The following UBALD1 variants were observed in gnomAD, a reference collection of about 807,000 sequenced individuals.
UBALD1 encodes UBA like domain containing 1.
Under a neutral mutation model 16.1 loss-of-function variants are expected in UBALD1, and 5 were observed. That is an observed-to-expected ratio of 0.31 (90% CI 0.16 to 0.66). The LOEUF is 0.66. Among genes scored for constraint, UBALD1 ranks in the 30% least tolerant of loss-of-function variants. The pLI, the probability that UBALD1 is intolerant of heterozygous loss-of-function variation, is 0.77. For synonymous variants in UBALD1, 146 were observed against 105.3 expected, an observed-to-expected ratio of 1.39 and a Z score of -2.37; for missense variants, 220 against 252.8, an observed-to-expected ratio of 0.87 and a Z score of 0.88.
At chr16:4,614,411 T>TA (rs768309714) in intron 1 of UBALD1, 21 of 378,318 alleles carry the variant, frequency 5.6e-5, no homozygotes, top group Admixed American at 2.9e-4. Context: ...ACAAAAGGGG[T>TA]GGGGGGGGTC....
intron 2 of UBALD1, 27 bp from the exon 3 acceptor site, chr16:4,610,010 G>A (rs1897338567): frequency 1.3e-6 from 2 of 1,522,172 alleles, no homozygotes; most frequent in Non-Finnish European, 1.8e-6. Flanking sequence ...GGAGAGATGG[G>A]GTGAGCACCC....
At chr16:4,610,780 C>G in intron 1 of UBALD1, 1 of 538,198 alleles carries the variant, frequency 1.9e-6, no homozygotes, top group Non-Finnish European at 3.3e-6. Context: ...TGGAGAAGAC[C>G]CTTCCCCTGC....
intron 1 of UBALD1, among the ~76,000 whole-genome samples, chr16:4,611,917 C>T (rs1246799585): frequency 2.0e-5 from 3 of 152,122 alleles, no homozygotes; most frequent in Non-Finnish European, 4.4e-5. Context: ...TTCAAGCCGC[C>T]GAGGTGCCCC....
intron 1 of UBALD1, 178 bp downstream of exon 1, chr16:4,614,500 C>T: frequency 1.8e-6 from 2 of 1,118,470 alleles, no homozygotes; most frequent in Admixed American, 3.1e-5. Flanking sequence ...CACCTCCGCC[C>T]GCCGCGAGCC....
intron 1 of UBALD1, 98 bp from the exon 2 acceptor site, chr16:4,610,653 T>C: frequency 1.4e-6 from 2 of 1,397,026 alleles, no homozygotes; most frequent in Non-Finnish European, 2.0e-6. Flanking sequence ...TGACCCTGGC[T>C]GGACTGCTGA....
At chr16:4,613,382 A>C (rs187192810) in intron 1 of UBALD1, among the ~76,000 whole-genome samples, 1 of 152,176 alleles carries the variant, frequency 6.6e-6, no homozygotes, top group Non-Finnish European at 1.5e-5. Flanking sequence ...ACACAGGATC[A>C]GTGGCCTCCG....
Position 4,614,869 on chromosome 16 carries a change from G to A in UBALD1, c.-72C>T, listed in dbSNP as rs1157306505. 4 of 1,372,376 alleles carry A rather than the reference G, an allele frequency of 2.9e-6. No homozygotes were observed. The highest frequency in any genetic ancestry group is 3.8e-6 in the Non-Finnish European group (4 of 1,050,316). The allele number at this position is 1,372,376 out of a possible 1,614,324, so 85.0% of individuals were successfully genotyped here. On this transcript the variant is annotated 5_prime_UTR_variant, in exon 1 of 3. Transcript: ENST00000283474. ...TCCGCCTCACGCGTCCACCATTAGC[G>A]AGCCGGCTCCGGCTAATACAAATAT... is the stretch of plus-strand genomic sequence containing the variant.
Position 4,609,722 on chromosome 16 carries a change from G to A in UBALD1, c.445C>T (p.Pro149Ser), listed in dbSNP as rs772851857. ...GGTGGCCAGTCTGAAGCCGGAGAAG[G>A]GGGTGTTGGAGTCCACAGGGGCGGC... is the stretch of plus-strand genomic sequence containing the variant. ...PQPPLWTPTPPSPASDWPPLA... is the reference protein window; with the variant it reads ...PQPPLWTPTPSSPASDWPPLA... The change falls in exon 3 of 3, where the codon CCT (proline) becomes TCT (serine). Residue 149 changes from proline to serine, a missense_variant. Physicochemically the swap from Pro to Ser is moderately conservative, Grantham distance 74 (BLOSUM62 -1). Coordinates refer to ENST00000283474, the MANE Select transcript of UBALD1 (RefSeq NM_145253.3). 5 of 1,486,352 alleles carry A rather than the reference G, an allele frequency of 3.4e-6. No individual in the cohort carries two copies. Among genetic ancestry groups the A allele is most frequent in the Middle Eastern group, 2.0e-4 (1 of 4,946 alleles). 92.1% of individuals were successfully genotyped at this position (1,486,352 alleles called of 1,614,324 possible).
chr16:4,610,099 C>G, intron 2 of UBALD1, 116 bp from the exon 3 acceptor site: 1 of 874,448 alleles, frequency 1.1e-6, no homozygotes, highest in Non-Finnish European at 1.9e-6. Flanking sequence ...TGTTCCTTCC[C>G]CAGATCCCCA....
intron 1 of UBALD1, among the ~76,000 whole-genome samples, chr16:4,611,958 T>A (rs1897363560): frequency 6.6e-6 from 1 of 152,032 alleles, no homozygotes; most frequent in Non-Finnish European, 1.5e-5. Flanking sequence ...ACTCCCCTAA[T>A]GCCAGCTTGA....
At position 4,609,863 on chromosome 16, in the gene UBALD1, C is replaced by T. The variant is rs1232103658; in HGVS notation, c.304G>A (p.Ala102Thr). ...HSGGSGSPMA[A>T]TATSPPPHFP... is the part of the protein sequence containing the mutation. ...TGTGGCGGGGGTGACGTGGCTGTCG[C>T]GGCCATCGGGCTGCCGCTGCCACCG... The change falls in exon 3 of 3, where the codon GCG becomes ACG. Residue 102 changes from alanine to threonine, a missense_variant. Physicochemically the swap from Ala to Thr is moderately conservative, Grantham distance 58 (BLOSUM62 0). Around this residue, in one of 2 missense-constraint regions of UBALD1, gnomAD observed 151 missense variants for 132.6 expected, o/e 1.14. Coordinates refer to ENST00000283474, the MANE Select transcript of UBALD1 (RefSeq NM_145253.3). 1.6e-5 allele frequency: 24 copies of T among 1,522,812 alleles called. No individual in the cohort carries two copies. The highest frequency in any genetic ancestry group is 1.9e-5 in the Non-Finnish European group (21 of 1,134,660). 94.3% of individuals were successfully genotyped at this position (1,522,812 alleles called of 1,614,324 possible).
chr16:4,613,640 C>A (rs529097434), intron 1 of UBALD1, among the ~76,000 whole-genome samples: 2 of 152,258 alleles, frequency 1.3e-5, no homozygotes, highest in South Asian at 4.1e-4. Context: ...GAGGCCATGA[C>A]CCTACCCCTG....
intron 1 of UBALD1, chr16:4,611,101 C>T (rs749627555): frequency 5.6e-6 from 1 of 178,180 alleles, no homozygotes; most frequent in Non-Finnish European, 1.2e-5. Flanking sequence ...CCCAGCTCTG[C>T]TTCTGGCTGA....
At chr16:4,610,121 C>T (rs958025448) in intron 2 of UBALD1, 138 bp from the exon 3 acceptor site, 64 of 790,134 alleles carry the variant, frequency 8.1e-5, no homozygotes, top group Non-Finnish European at 1.2e-4. Context: ...GCCTGTCCGC[C>T]GCCCAGGGGT....
Position 4,609,976 on chromosome 16 carries a change from G to C in UBALD1, c.191C>G (p.Thr64Ser), listed in dbSNP as rs1897338105. 6.3e-7 allele frequency: 1 copy of C among 1,579,006 alleles called. No homozygotes were observed. Among genetic ancestry groups the C allele is most frequent in the Non-Finnish European group, 8.6e-7 (1 of 1,161,206 alleles). The stretch of plus-strand genomic sequence containing the variant: ...GGGTGTAGCAGGGGTATTGGCGGGG[G>C]TGCACATCTGTGAGGGGAAGAGAGG... ...YSHHHHQMMCTPANTPATPPN... is the reference protein window; with the variant it reads ...YSHHHHQMMCSPANTPATPPN... The change falls in exon 3 of 3, where the codon ACC becomes AGC. Residue 64 changes from threonine to serine, a missense_variant. Thr to Ser is a moderately conservative substitution (Grantham distance 58). Coordinates refer to ENST00000283474, the MANE Select transcript of UBALD1 (RefSeq NM_145253.3).
chr16:4,611,972 C>G (rs1389588785), intron 1 of UBALD1, among the ~76,000 whole-genome samples: 1 of 152,162 alleles, frequency 6.6e-6, no homozygotes, highest in African/African-American at 2.4e-5. Context: ...AGCTTGACTT[C>G]CTGGCCCTCC....
chr16:4,612,705 G>A (rs1596547522), intron 1 of UBALD1, among the ~76,000 whole-genome samples: 1 of 152,048 alleles, frequency 6.6e-6, no homozygotes, highest in South Asian at 2.1e-4. Context: ...CAGAAACACC[G>A]CCTGGTGGAT....
Position 4,610,527 on chromosome 16 carries a change from G to C in UBALD1, c.149C>G (p.Thr50Ser), listed in dbSNP as rs1897346355. The change falls in exon 2 of 3, where the codon ACC (threonine) becomes AGC (serine). Residue 50 changes from threonine (T) to serine (S), a missense_variant. This residue lies in a region of UBALD1 where 69 missense variants were observed against 120.3 expected (regional missense o/e 0.57). Transcript: ENST00000283474. ...ETALSAFFQETNIPYSHHHHQ... is the reference protein window; with the variant it reads ...ETALSAFFQESNIPYSHHHHQ... ...GTGATGGTGGCTGTAGGGGATGTTG[G>C]TCTCCTGGAAAAAGGCGCTGAGGGC... The C allele has an allele frequency of 1.9e-6, 3 of 1,612,414 alleles. No individual in the cohort carries two copies. The highest frequency in any genetic ancestry group is 2.5e-6 in the Non-Finnish European group (3 of 1,179,358).
chr16:4,611,866 G>A (rs1897362119), intron 1 of UBALD1, among the ~76,000 whole-genome samples: 1 of 152,090 alleles, frequency 6.6e-6, no homozygotes, highest in South Asian at 2.1e-4. Flanking sequence ...TATTTGAGGG[G>A]TTCTCGGGGC....
Sources: gnomAD v4.1 joint callset for allele counts (sites outside exome capture counted in the v4.1 genomes callset) on GRCh38, gnomAD v4.1.1 for gene constraint, gnomAD v4.1.1 regional missense constraint, MANE v1.5 for transcripts, NCBI Gene and HGNC (gene_info 2026-07-23, HGNC 2026-07-21) for gene names.